PCDHGA11: variants seen among roughly 807,000 people sequenced by gnomAD.
The protein encoded by PCDHGA11 is protocadherin gamma-A11.
PCDHGA11 carries 39 observed loss-of-function variants against 60.4 expected under a neutral mutation model. That is an observed-to-expected ratio of 0.65 (90% confidence interval 0.50 to 0.84). The LOEUF is 0.84. PCDHGA11 is among the 40% of genes least tolerant of loss of function. The pLI, the probability that PCDHGA11 is intolerant of heterozygous loss-of-function variation, is 0.00. For missense variants in PCDHGA11, 1,165 were observed against 1,197.7 expected (o/e 0.97, Z 0.40); for synonymous variants, 533 against 510.3 (o/e 1.04, Z -0.60).
At chr5:141,463,773 C>A (rs2099069188) in intron 1 of PCDHGA11, among the ~76,000 whole-genome samples, 1 of 152,088 alleles carries the variant, frequency 6.6e-6, no homozygotes, top group Non-Finnish European at 1.5e-5. Context: ...GGGTTAGAAT[C>A]CTGCACTGTC....
intron 1 of PCDHGA11, among the ~76,000 whole-genome samples, chr5:141,452,988 T>C (rs2098753680): frequency 6.6e-6 from 1 of 152,228 alleles, no homozygotes; most frequent in Admixed American, 6.5e-5. Context: ...AGTACTGTGC[T>C]GAAAAGTTAC....
chr5:141,451,914 A>G (rs1387569597), intron 1 of PCDHGA11, among the ~76,000 whole-genome samples: 3 of 152,022 alleles, frequency 2.0e-5, no homozygotes, highest in East Asian at 1.9e-4. Context: ...GGGAGGGAGG[A>G]AGGAAGGGAG....
chr5:141,495,973 A>T, intron 2 of PCDHGA11, among the ~76,000 whole-genome samples: 1 of 146,986 alleles, frequency 6.8e-6, no homozygotes, highest in Admixed American at 6.8e-5. Flanking sequence ...TTTCTCTGTT[A>T]CTCTTTCTTT....
rs1561863226 is a variant in PCDHGA11, at chr5:141,432,653, C to T, written c.2433+8993C>T. On this transcript the variant is annotated intron_variant, in intron 1 of 3. Transcript: ENST00000398587. The surrounding 1 kb of genome is among the most constrained non-coding windows in gnomAD (Gnocchi z 6.0). Reference sequence around the variant, plus strand: ...GGGCGAGGTGCGCACGGCGCGAGCCCTGCTGGACAGAGACGCGCTCAAGCA... The same window carrying T: ...GGGCGAGGTGCGCACGGCGCGAGCCTTGCTGGACAGAGACGCGCTCAAGCA... 5 of 1,613,852 alleles carry T rather than the reference C, an allele frequency of 3.1e-6. No individual in the cohort carries two copies. In the South Asian group the frequency reaches 4.4e-5, roughly 14 times the overall value.
At position 141,421,650 on chromosome 5, in the gene PCDHGA11, A is replaced by G; in HGVS notation, c.423A>G (p.Ile141Met). Residue 141 changes from isoleucine (I) to methionine (M), a missense_variant, in exon 1 of 4, where the codon ATA becomes ATG. By Grantham distance (10) the Ile-to-Met change is conservative. Transcript: ENST00000398587. ...APSFQEDEVE[I>M]KVSEHAIPGA... ...GCTTCCAGGAGGACGAAGTGGAGAT[A>G]AAAGTCAGTGAGCACGCAATTCCTG... 1 of 1,613,868 alleles carries G rather than the reference A, an allele frequency of 6.2e-7. No homozygotes were observed. The highest frequency in any genetic ancestry group is 1.1e-5 in the South Asian group (1 of 91,064).
At chr5:141,450,134 G>A (rs1267554616) in intron 1 of PCDHGA11, among the ~76,000 whole-genome samples, 1 of 151,424 alleles carries the variant, frequency 6.6e-6, no homozygotes, top group East Asian at 2.0e-4. Context: ...AGCCTCCTGA[G>A]TAGCTGGGAC....
At position 141,431,574 on chromosome 5, in the gene PCDHGA11, G is replaced by T. The variant is rs1476143491; in HGVS notation, c.2433+7914G>T. The T allele has an allele frequency of 6.2e-7, 1 of 1,614,196 alleles. No homozygotes were observed. Among genetic ancestry groups the T allele is most frequent in the Admixed American group, 1.7e-5 (1 of 60,034 alleles). On this transcript the variant is annotated intron_variant, in intron 1 of 3. Transcript: ENST00000398587. This position sits in a 1 kb window ranked among gnomAD's most constrained non-coding sequence, Gnocchi z 4.8. The stretch of plus-strand genomic sequence containing the variant: ...GTCAACGCTACCGACCCTGACGAAG[G>T]AGTCAATGCGGAAGTGAGGTATTCC...
chr5:141,475,679 T>A (rs967189869), intron 1 of PCDHGA11, among the ~76,000 whole-genome samples: 2 of 152,236 alleles, frequency 1.3e-5, no homozygotes, highest in African/African-American at 4.8e-5. Flanking sequence ...GAGTCTTGAT[T>A]TGGATTGGAG....
chr5:141,486,271 C>T lies in PCDHGA11; in HGVS notation c.2434-8536C>T. 1 of 1,614,086 alleles carries T rather than the reference C, an allele frequency of 6.2e-7. No homozygotes were observed. Among genetic ancestry groups the T allele is most frequent in the Non-Finnish European group, 8.5e-7 (1 of 1,179,994 alleles). ...CCCTCCCCGAGAGTGCAGAACCTGG[C>T]ACTGTGGTGGCACTTATCAGTGTGC... On this transcript the variant is annotated intron_variant, in intron 1 of 3. Coordinates refer to ENST00000398587, the MANE Select transcript of PCDHGA11 (RefSeq NM_018914.3). The surrounding 1 kb of genome is among the most constrained non-coding windows in gnomAD (Gnocchi z 5.0).
Position 141,485,768 on chromosome 5 carries a change from C to A in PCDHGA11, c.2434-9039C>A, listed in dbSNP as rs759191157. 3.7e-6 allele frequency: 6 copies of A among 1,614,192 alleles called. No individual in the cohort carries two copies. Among genetic ancestry groups the A allele is most frequent in the Middle Eastern group, 1.6e-4 (1 of 6,062 alleles). On this transcript the variant is annotated intron_variant, in intron 1 of 3. Coordinates refer to ENST00000398587, the MANE Select transcript of PCDHGA11 (RefSeq NM_018914.3). The surrounding 1 kb of genome is among the most constrained non-coding windows in gnomAD (Gnocchi z 5.7). ...GGTCCCAGAGCTGCTCCTGGAGAAG[C>A]CTTTGGATCGAGAGAAGCAATCGGA...
chr5:141,446,482 CTT>C (rs112180482), intron 1 of PCDHGA11, among the ~76,000 whole-genome samples: 6 of 147,048 alleles, frequency 4.1e-5, no homozygotes, highest in East Asian at 4.0e-4. Context: ...GGTCATCATT[CTT>C]TTTTTTTTTT....
intron 1 of PCDHGA11, among the ~76,000 whole-genome samples, chr5:141,473,466 G>A (rs1217251844): frequency 1.3e-5 from 2 of 151,738 alleles, no homozygotes; most frequent in East Asian, 1.9e-4. Flanking sequence ...TTAAAGTTGT[G>A]CCAAGTTCAA....
rs200843744 is a variant in PCDHGA11, at chr5:141,491,417, G to C, written c.2434-3390G>C. 18 of 1,613,988 alleles carry C rather than the reference G, an allele frequency of 1.1e-5. No individual in the cohort carries two copies. Among genetic ancestry groups the C allele is most frequent in the Admixed American group, 5.0e-5 (3 of 60,006 alleles). ...CAGGGAAACGCAGACGGGGACGGGGGTGGAGGGCAGTGCTGCAGGCGCCAG... is the reference window on the plus strand; with the variant it reads ...CAGGGAAACGCAGACGGGGACGGGGCTGGAGGGCAGTGCTGCAGGCGCCAG... On this transcript the variant is annotated intron_variant, in intron 1 of 3. Transcript: ENST00000398587. This position sits in a 1 kb window ranked among gnomAD's most constrained non-coding sequence, Gnocchi z 6.9.
chr5:141,490,640 G>C lies in PCDHGA11; in HGVS notation c.2434-4167G>C, dbSNP rs774630488. 1 of 1,614,122 alleles carries C rather than the reference G, an allele frequency of 6.2e-7. No individual in the cohort carries two copies. The highest frequency in any genetic ancestry group is 8.5e-7 in the Non-Finnish European group (1 of 1,180,012). On this transcript the variant is annotated intron_variant, in intron 1 of 3. Coordinates refer to ENST00000398587, the MANE Select transcript of PCDHGA11 (RefSeq NM_018914.3). This position sits in a 1 kb window ranked among gnomAD's most constrained non-coding sequence, Gnocchi z 5.4. The stretch of plus-strand genomic sequence containing the variant: ...TACACTGCTTACATCCTAGAAAACC[G>C]GCCTCCGGGCTCCCTTCTTTGCACT...
chr5:141,429,913 T>C (rs1013990672), intron 1 of PCDHGA11, among the ~76,000 whole-genome samples: 29 of 152,238 alleles, frequency 1.9e-4, no homozygotes, highest in African/African-American at 7.0e-4. Context: ...TGAAATATAA[T>C]GTATTAATAG....
Position 141,487,544 on chromosome 5 carries a change from C to A in PCDHGA11, c.2434-7263C>A. 1 of 1,614,190 alleles carries A rather than the reference C, an allele frequency of 6.2e-7. No homozygotes were observed. The highest frequency in any genetic ancestry group is 1.1e-5 in the South Asian group (1 of 91,088). On this transcript the variant is annotated intron_variant, in intron 1 of 3. Transcript: ENST00000398587. This position sits in a 1 kb window ranked among gnomAD's most constrained non-coding sequence, Gnocchi z 5.0. ...TGATAGCTTCATGATGGTGAAGTCA[C>A]CCAGTGCACCTATGGCAGGGGAGCC... is the stretch of plus-strand genomic sequence containing the variant.
intron 1 of PCDHGA11, among the ~76,000 whole-genome samples, chr5:141,492,221 G>C (rs62379206): frequency 0.18 from 27,189 of 152,134 alleles, 2,633 homozygotes; most frequent in Admixed American, 0.28. Context: ...GGGCTCATGC[G>C]TGTCCTCCCT....
At chr5:141,481,592 C>T (rs765060653) in intron 1 of PCDHGA11, among the ~76,000 whole-genome samples, 2 of 152,112 alleles carry the variant, frequency 1.3e-5, no homozygotes, top group East Asian at 1.9e-4. Context: ...CTGAGGCCAG[C>T]GGATCACCTG....
Position 141,422,656 on chromosome 5 carries a change from G to T in PCDHGA11, c.1429G>T (p.Ala477Ser), listed in dbSNP as rs759548203. The T allele has an allele frequency of 7.5e-6, 12 of 1,609,898 alleles. 1 individual carries two copies. The African/African-American group carries it at 1.1e-4, about 14-fold the overall frequency. Residue 477 changes from alanine (A) to serine (S), a missense_variant, in exon 1 of 4, where the codon GCC (alanine) becomes TCC (serine). By Grantham distance (99) the Ala-to-Ser change is moderately conservative. Transcript: ENST00000398587. Reference protein sequence around the residue: ...PRGASIFSVTALDPDSKQNAL... With the variant: ...PRGASIFSVTSLDPDSKQNAL... The stretch of plus-strand genomic sequence containing the variant: ...GGGTGCCTCCATCTTCTCAGTGACC[G>T]CCCTCGACCCGGACAGCAAACAGAA...
Sources: gnomAD v4.1 joint callset for allele counts (sites outside exome capture counted in the v4.1 genomes callset) on GRCh38, gnomAD v4.1.1 for gene constraint, Gnocchi (gnomAD v3.1) non-coding constraint, MANE v1.5 for transcripts, NCBI Gene and HGNC (gene_info 2026-07-23, HGNC 2026-07-21) for gene names.